MEF2C: variants seen among roughly 807,000 people sequenced by gnomAD.
The protein encoded by MEF2C is myocyte-specific enhancer factor 2C.
A neutral mutation model predicts 50.5 loss-of-function variants in MEF2C; 6 were observed. The observed-to-expected ratio is 0.12, with a 90% CI of 0.07 to 0.23. MEF2C has a LOEUF of 0.23. Among genes scored for constraint, MEF2C ranks in the 10% least tolerant of loss-of-function variants. MEF2C has a pLI of 1.00. For missense variants in MEF2C, 276 were observed against 605.0 expected (o/e 0.46, Z 5.70); for synonymous variants, 183 against 228.0 (o/e 0.80, Z 1.78).
At chr5:88,793,307 G>A (rs371530783) in intron 3 of MEF2C, among the ~76,000 whole-genome samples, 2 of 151,390 alleles carry the variant, frequency 1.3e-5, no homozygotes, top group African/African-American at 4.9e-5. Context: ...ACGTATGTAC[G>A]ATGTGGCTTG....
intron 2 of MEF2C, among the ~76,000 whole-genome samples, chr5:88,807,800 T>C (rs1228308303): frequency 6.6e-6 from 1 of 152,206 alleles, no homozygotes; most frequent in Non-Finnish European, 1.5e-5. Flanking sequence ...TTATGACTGA[T>C]AGAAAGATAA....
In MEF2C at chr5:88,743,110, AT is replaced by A. The variant is rs1767627526; in HGVS notation, c.637+5959del. On this transcript the variant is annotated intron_variant, in intron 6 of 10. Coordinates refer to ENST00000504921, the MANE Select transcript of MEF2C (RefSeq NM_002397.5). Reference sequence around the variant, plus strand: ...AAACAGAACCCAACTATTAACCTAGATTTTTTTCATTTGCTGCTTAATAATA... The same window carrying A: ...AAACAGAACCCAACTATTAACCTAGATTTTTTCATTTGCTGCTTAATAATA... The A allele has an allele frequency of 5.2e-6, 5 of 957,188 alleles. No homozygotes were observed. In the South Asian group the frequency reaches 1.4e-4, roughly 28 times the overall value. 59.3% of individuals were successfully genotyped at this position (957,188 alleles called of 1,614,324 possible).
chr5:88,801,316 T>C (rs772104438), intron 3 of MEF2C, among the ~76,000 whole-genome samples: 2 of 152,126 alleles, frequency 1.3e-5, no homozygotes, highest in Non-Finnish European at 2.9e-5. Flanking sequence ...TTAAAATAAA[T>C]AGGATTTAAA....
chr5:88,782,159 G>C, intron 3 of MEF2C: 1 of 981,390 alleles, frequency 1.0e-6, no homozygotes, highest in Non-Finnish European at 1.2e-6. Context: ...CTGTAAAGAA[G>C]CTTATATAGT....
rs958597616 is a variant in MEF2C at position 88,738,186 on chromosome 5, T to C, written c.638-6285A>G. On this transcript the variant is annotated intron_variant, in intron 6 of 10. Transcript: ENST00000504921. ...CCTTAGTTTTCTCAATAGAAGTATTTCCCTAGTGTGAGAGAAGCATGAAAG... is the reference window on the plus strand; with the variant it reads ...CCTTAGTTTTCTCAATAGAAGTATTCCCCTAGTGTGAGAGAAGCATGAAAG... 20 of 985,156 alleles carry C rather than the reference T, an allele frequency of 2.0e-5. 1 individual carries two copies. The South Asian group carries it at 4.2e-4, about 21-fold the overall frequency. The allele number at this position is 985,156 out of a possible 1,614,324, so 61.0% of individuals were successfully genotyped here.
chr5:88,738,519 A>G, intron 6 of MEF2C: 6 of 885,728 alleles, frequency 6.8e-6, no homozygotes, highest in Non-Finnish European at 8.1e-6. Context: ...AATTTGCTCA[A>G]TGTCAAACAG....
At chr5:88,854,201 A>T (rs187739859) in intron 1 of MEF2C, among the ~76,000 whole-genome samples, 1 of 152,198 alleles carries the variant, frequency 6.6e-6, no homozygotes, top group African/African-American at 2.4e-5. Flanking sequence ...TGAAATATGT[A>T]TTAGGATACA....
intron 3 of MEF2C, among the ~76,000 whole-genome samples, chr5:88,768,018 T>C (rs1780776247): frequency 6.6e-6 from 1 of 152,236 alleles, no homozygotes; most frequent in Non-Finnish European, 1.5e-5. Flanking sequence ...CCTTCAGGAA[T>C]GAGCCCACCA....
intron 1 of MEF2C, among the ~76,000 whole-genome samples, chr5:88,858,790 G>T (rs796092321): frequency 7.9e-5 from 12 of 152,150 alleles, no homozygotes; most frequent in African/African-American, 2.9e-4. Flanking sequence ...AATAAAAAAC[G>T]CTATTTTTAA....
chr5:88,809,603 A>G (rs1801947821), intron 2 of MEF2C, among the ~76,000 whole-genome samples: 1 of 152,158 alleles, frequency 6.6e-6, no homozygotes, highest in South Asian at 2.1e-4. Context: ...ATTTTCAGTC[A>G]TATCTAATAA....
At chr5:88,774,971 C>G (rs907276830) in intron 3 of MEF2C, among the ~76,000 whole-genome samples, 1 of 152,184 alleles carries the variant, frequency 6.6e-6, no homozygotes, top group Non-Finnish European at 1.5e-5. Context: ...CACAAGGCTG[C>G]GCTCCTTGAG....
At chr5:88,879,104 G>C (rs1233643639) in intron 1 of MEF2C, among the ~76,000 whole-genome samples, 1 of 151,842 alleles carries the variant, frequency 6.6e-6, no homozygotes, top group Non-Finnish European at 1.5e-5. Flanking sequence ...TTAATTTTAT[G>C]TATCACAGAT....
intron 3 of MEF2C, among the ~76,000 whole-genome samples, chr5:88,762,461 T>G (rs1778287124): frequency 6.6e-6 from 1 of 151,980 alleles, no homozygotes; most frequent in Admixed American, 6.6e-5. Context: ...AGGGAATGGG[T>G]TTCTCCATGT....
intron 1 of MEF2C, among the ~76,000 whole-genome samples, chr5:88,864,761 T>C (rs1581729982): frequency 1.4e-5 from 2 of 147,496 alleles, no homozygotes; most frequent in Admixed American, 7.1e-5. Flanking sequence ...ACGCTTGTTT[T>C]TTCAAATTTT....
intron 1 of MEF2C, among the ~76,000 whole-genome samples, chr5:88,859,587 T>C (rs975117812): frequency 1.3e-5 from 2 of 152,248 alleles, no homozygotes; most frequent in African/African-American, 4.8e-5. Context: ...AGTATCCTAT[T>C]TTAGTTCATA....
chr5:88,734,425 C>A (rs1169872109), intron 6 of MEF2C: 6 of 985,170 alleles, frequency 6.1e-6, no homozygotes, highest in Non-Finnish European at 7.2e-6. Flanking sequence ...TCGGTAGATG[C>A]CGATACTGGT....
chr5:88,812,748 A>G (rs1454301090), intron 2 of MEF2C, among the ~76,000 whole-genome samples: 1 of 152,130 alleles, frequency 6.6e-6, no homozygotes, highest in Admixed American at 6.6e-5. Context: ...GCCTTATCCA[A>G]GGTCCCCAGA....
At chr5:88,723,109 G>T (rs1420719045) in intron 10 of MEF2C, among the ~76,000 whole-genome samples, 184 bp from the exon 11 acceptor site, 2 of 152,176 alleles carry the variant, frequency 1.3e-5, no homozygotes, top group Non-Finnish European at 2.9e-5. Flanking sequence ...TGCCTTTGTT[G>T]ATTTGCCCGG....
intron 10 of MEF2C, among the ~76,000 whole-genome samples, chr5:88,724,999 A>G (rs1327569057): frequency 6.6e-6 from 1 of 152,136 alleles, no homozygotes; most frequent in Non-Finnish European, 1.5e-5. Flanking sequence ...AGGGTGACAT[A>G]GAAAATTAGA....
Sources: allele counts gnomAD v4.1 joint callset (sites outside exome capture counted in the v4.1 genomes callset), GRCh38; gene constraint gnomAD v4.1.1; transcripts MANE v1.5; gene names NCBI Gene and HGNC (gene_info 2026-07-23, HGNC 2026-07-21).